CTNND2: variants seen among roughly 807,000 people sequenced by gnomAD.
The protein encoded by CTNND2 is catenin delta-2.
Under a neutral mutation model 144.4 loss-of-function variants are expected in CTNND2, and 22 were observed. The ratio of observed to expected loss-of-function variants is 0.15; its 90% confidence interval spans 0.11 to 0.22. The LOEUF (loss-of-function observed/expected upper bound fraction) is 0.22, where lower values mean the gene tolerates loss of function less well. Among genes scored for constraint, CTNND2 ranks in the 10% least tolerant of loss-of-function variants. The pLI is 1.00. For synonymous variants in CTNND2, 751 were observed against 695.6 expected (o/e 1.08, Z -1.25); for missense variants, 1,353 against 1,618.8 (o/e 0.84, Z 2.82).
At chr5:11,763,658 T>C (rs1159731359) in intron 1 of CTNND2, among the ~76,000 whole-genome samples, 1 of 152,234 alleles carries the variant, frequency 6.6e-6, no homozygotes, top group African/African-American at 2.4e-5. Flanking sequence ...AAACATTTCA[T>C]ATTAGCAAAT....
chr5:11,497,484 G>C (rs16901683), intron 3 of CTNND2, among the ~76,000 whole-genome samples: 1,974 of 122,708 alleles, frequency 0.016, 58 homozygotes, highest in African/African-American at 0.058. Context: ...ATGATATGTT[G>C]ACATCCATGA....
intron 2 of CTNND2, among the ~76,000 whole-genome samples, chr5:11,571,676 G>A (rs548057218): frequency 4.6e-5 from 7 of 152,076 alleles, no homozygotes; most frequent in African/African-American, 1.2e-4. Context: ...CCCACACCCC[G>A]CACCTTCGAG....
intron 9 of CTNND2, among the ~76,000 whole-genome samples, chr5:11,270,076 A>C (rs1745839814): frequency 6.6e-6 from 1 of 152,208 alleles, no homozygotes; most frequent in African/African-American, 2.4e-5. Flanking sequence ...CTTCAGTTAA[A>C]TTTGTGTCTA....
intron 2 of CTNND2, among the ~76,000 whole-genome samples, chr5:11,692,895 C>T (rs951484279): frequency 2.0e-5 from 3 of 152,218 alleles, no homozygotes; most frequent in African/African-American, 7.2e-5. Context: ...GGCCACTGCA[C>T]CCAGCTGGGT....
intron 9 of CTNND2, among the ~76,000 whole-genome samples, chr5:11,328,323 C>T (rs909471338): frequency 2.0e-5 from 3 of 147,494 alleles, no homozygotes; most frequent in Non-Finnish European, 4.5e-5. Flanking sequence ...GACAGTATCT[C>T]ATTCTGTTGC....
Position 11,001,639 on chromosome 5 carries a change from AC to A in CTNND2, c.3085-8963del, listed in dbSNP as rs1447956313. Among the ~76,000 whole-genome samples the A allele has an allele frequency of 1.1e-4, 17 of 152,238 alleles. 1 individual carries two copies. The highest frequency in any genetic ancestry group is 3.9e-4 in the African/African-American group (16 of 41,544). ...AAATAAATACATTCAGAGCCTTAGAACCTTTTTCTTTTAATTGTAGCTCAGA... is the reference window on the plus strand; with the variant it reads ...AAATAAATACATTCAGAGCCTTAGAACTTTTTCTTTTAATTGTAGCTCAGA... On this transcript the variant is annotated intron_variant, in intron 18 of 21. Coordinates refer to ENST00000304623, the MANE Select transcript of CTNND2 (RefSeq NM_001332.4).
intron 7 of CTNND2, among the ~76,000 whole-genome samples, chr5:11,368,042 T>A (rs1000573450): frequency 1.3e-5 from 2 of 152,172 alleles, no homozygotes; most frequent in African/African-American, 4.8e-5. Context: ...GCACTGGCAA[T>A]TTTTCATATA....
chr5:11,417,391 G>C (rs985415711), intron 3 of CTNND2, among the ~76,000 whole-genome samples: 1 of 152,128 alleles, frequency 6.6e-6, no homozygotes, highest in African/African-American at 2.4e-5. Flanking sequence ...CACAACCTGG[G>C]AGAAAATATT....
chr5:11,340,096 A>G (rs567548748), intron 9 of CTNND2, among the ~76,000 whole-genome samples: 9 of 151,912 alleles, frequency 5.9e-5, no homozygotes, highest in African/African-American at 1.7e-4. Context: ...CCCACTGGCT[A>G]CCCTCCTCCA....
intron 7 of CTNND2, among the ~76,000 whole-genome samples, chr5:11,370,508 A>G (rs1694945107): frequency 6.6e-6 from 1 of 152,234 alleles, no homozygotes; most frequent in Non-Finnish European, 1.5e-5. Flanking sequence ...GCTTTATTCA[A>G]ACAATTCCAC....
intron 18 of CTNND2, among the ~76,000 whole-genome samples, chr5:10,995,634 G>T (rs1365713421): frequency 6.6e-6 from 1 of 152,184 alleles, no homozygotes; most frequent in Non-Finnish European, 1.5e-5. Flanking sequence ...TGTTTTCATA[G>T]ATCACCTAGA....
intron 9 of CTNND2, among the ~76,000 whole-genome samples, chr5:11,240,478 C>G (rs1169981394): frequency 8.5e-6 from 1 of 117,602 alleles, no homozygotes; most frequent in Non-Finnish European, 1.7e-5. Flanking sequence ...CACTCACATA[C>G]ACTCAAACAC....
rs70947250 is a variant in CTNND2, at chr5:11,283,673, C to CAAAA, written c.1629-46854_1629-46851dup. Among the ~76,000 whole-genome samples the CAAAA allele has an allele frequency of 4.2e-3, 134 of 31,592 alleles. 8 individuals carry two copies. The highest frequency in any genetic ancestry group is 5.7e-3 in the Non-Finnish European group (98 of 17,262). 20.7% of individuals were successfully genotyped at this position (31,592 alleles called of 152,430 possible). ...TGGGTGAAAGAGTGAGACTCCGTCT[C>CAAAA]AAAAAAAAAAAAAAAAAAAAAAAAA... On this transcript the variant is annotated intron_variant, in intron 9 of 21. Coordinates refer to ENST00000304623, the MANE Select transcript of CTNND2 (RefSeq NM_001332.4).
At chr5:11,581,989 G>A (rs1778471593) in intron 2 of CTNND2, among the ~76,000 whole-genome samples, 1 of 152,276 alleles carries the variant, frequency 6.6e-6, no homozygotes, top group South Asian at 2.1e-4. Flanking sequence ...AGCATAAAAT[G>A]GATGTTCTTA....
chr5:11,513,376 C>T (rs1161218964), intron 3 of CTNND2, among the ~76,000 whole-genome samples: 3 of 152,200 alleles, frequency 2.0e-5, no homozygotes, highest in Non-Finnish European at 4.4e-5. Context: ...AGGGCCATTA[C>T]TGCTGTTTCC....
intron 1 of CTNND2, among the ~76,000 whole-genome samples, chr5:11,863,123 T>C (rs566107575): frequency 4.6e-5 from 7 of 152,192 alleles, no homozygotes; most frequent in Non-Finnish European, 1.0e-4. Context: ...CGTGTTTAAA[T>C]TGTGTTTTCC....
At position 11,346,431 on chromosome 5, in the gene CTNND2, G is replaced by A. The variant is rs1178953293; in HGVS notation, c.1569C>T (p.Leu523=). ...ACCTGGCCAAGGTGCCTTCAGGCGG[G>A]AGAGCAGGGCCGGATTTGCTGTATG... ...ESPYSKSGPA[L]PPEGTLARSP... Residue 523 remains leucine, a synonymous_variant, in exon 9 of 22, where the codon CTC becomes CTT. Transcript: ENST00000304623. The A allele has an allele frequency of 1.3e-6, 2 of 1,552,052 alleles. No homozygotes were observed. The highest frequency in any genetic ancestry group is 1.2e-5 in the South Asian group (1 of 83,516).
intron 1 of CTNND2, among the ~76,000 whole-genome samples, chr5:11,896,829 A>G (rs1342861929): frequency 6.6e-6 from 1 of 152,152 alleles, no homozygotes; most frequent in Non-Finnish European, 1.5e-5. Context: ...TAGTTCTCAT[A>G]TAATTAGCTA....
chr5:11,164,120 T>C (rs538974912), intron 11 of CTNND2, among the ~76,000 whole-genome samples: 1 of 152,128 alleles, frequency 6.6e-6, no homozygotes, highest in Admixed American at 6.6e-5. Context: ...CATCATCATA[T>C]CTCCTTCCTG....
Sources: allele counts gnomAD v4.1 joint callset (sites outside exome capture counted in the v4.1 genomes callset), GRCh38; gene constraint gnomAD v4.1.1; transcripts MANE v1.5; gene names NCBI Gene and HGNC (gene_info 2026-07-23, HGNC 2026-07-21).